The following QTMAN variants were observed in gnomAD, a reference collection of about 807,000 sequenced individuals.
The protein encoded by QTMAN is queuosine-tRNA mannosyltransferase.
At chr2:143,951,986 T>C in the QTMAN span, 4 of 1,501,742 alleles carry the variant, frequency 2.7e-6, no homozygotes, top group Non-Finnish European at 3.7e-6. Context: ...AACTACCTTA[T>C]AGAGATGTTT....
chr2:144,007,996 C>T, the QTMAN span, among the ~76,000 whole-genome samples: 1 of 152,090 alleles, frequency 6.6e-6, no homozygotes, highest in Admixed American at 6.6e-5. Context: ...TCTGAATATA[C>T]TTTGTATTAA....
At chr2:144,059,028 T>C in the QTMAN span, among the ~76,000 whole-genome samples, 1 of 152,234 alleles carries the variant, frequency 6.6e-6, no homozygotes, top group Admixed American at 6.5e-5. Context: ...TCTGCTCAAA[T>C]GTCTTTGCTG....
chr2:144,209,851 A>C, the QTMAN span, among the ~76,000 whole-genome samples: 394 of 152,282 alleles, frequency 2.6e-3, 1 homozygote, highest in African/African-American at 8.6e-3. Flanking sequence ...CACTCATTAA[A>C]TAGCATAATG....
chr2:143,984,856 G>C, the QTMAN span, among the ~76,000 whole-genome samples: 1 of 152,264 alleles, frequency 6.6e-6, no homozygotes, highest in East Asian at 1.9e-4. Flanking sequence ...CCTTCCCACT[G>C]AGAGCCACTT....
the QTMAN span, among the ~76,000 whole-genome samples, chr2:144,332,076 G>A: frequency 6.6e-6 from 1 of 152,344 alleles, no homozygotes; most frequent in African/African-American, 2.4e-5. Flanking sequence ...GCGCGAGGAA[G>A]AAGCGGAGCG....
At chr2:144,158,418 T>G in the QTMAN span, among the ~76,000 whole-genome samples, 2 of 151,952 alleles carry the variant, frequency 1.3e-5, no homozygotes, top group African/African-American at 4.8e-5. Flanking sequence ...GTAGTGGATA[T>G]GCTACCTGCT....
chr2:144,121,734 C>T, the QTMAN span, among the ~76,000 whole-genome samples: 11 of 152,164 alleles, frequency 7.2e-5, no homozygotes, highest in South Asian at 2.1e-4. Context: ...GAAATATTTG[C>T]GGGGCTGTGC....
At chr2:144,225,548 C>A in the QTMAN span, among the ~76,000 whole-genome samples, 1 of 152,206 alleles carries the variant, frequency 6.6e-6, no homozygotes. Flanking sequence ...CACAGACACA[C>A]TATTACTCGA....
chr2:144,014,960 T>A, the QTMAN span, among the ~76,000 whole-genome samples: 1 of 152,338 alleles, frequency 6.6e-6, no homozygotes, highest in Admixed American at 6.5e-5. Flanking sequence ...TTAACTTAAA[T>A]AATTATGCCT....
the QTMAN span, among the ~76,000 whole-genome samples, chr2:144,020,005 GT>G: frequency 0.13 from 19,564 of 152,220 alleles, 2,045 homozygotes; most frequent in African/African-American, 0.27. Flanking sequence ...ATCCGTCGCA[GT>G]TCTTGCTCTC....
At chr2:144,222,493 T>C in the QTMAN span, among the ~76,000 whole-genome samples, 35 of 152,178 alleles carry the variant, frequency 2.3e-4, no homozygotes, top group Admixed American at 2.2e-3. Context: ...GCACACTTAA[T>C]TTCTGAAGTG....
At chr2:144,184,924 C>T in the QTMAN span, among the ~76,000 whole-genome samples, 16 of 151,930 alleles carry the variant, frequency 1.1e-4, no homozygotes, top group Non-Finnish European at 2.2e-4. Context: ...AAAACCTAAC[C>T]GTAAATAGCT....
the QTMAN span, among the ~76,000 whole-genome samples, chr2:144,044,261 T>C: frequency 6.6e-6 from 1 of 152,288 alleles, no homozygotes; most frequent in African/African-American, 2.4e-5. Context: ...CATATATATA[T>C]ACACATAAGA....
the QTMAN span, among the ~76,000 whole-genome samples, chr2:143,977,095 T>C: frequency 6.6e-6 from 1 of 152,208 alleles, no homozygotes; most frequent in Non-Finnish European, 1.5e-5. Context: ...ATTCTCTCCA[T>C]CTTTTGTATT....
the QTMAN span, among the ~76,000 whole-genome samples, chr2:143,997,605 C>A: frequency 2.6e-5 from 4 of 151,992 alleles, no homozygotes; most frequent in African/African-American, 7.2e-5. Context: ...CATGATGATT[C>A]CCTTCTTAAT....
At chr2:144,241,208 C>T in the QTMAN span, among the ~76,000 whole-genome samples, 3 of 152,174 alleles carry the variant, frequency 2.0e-5, no homozygotes, top group Admixed American at 6.5e-5. Flanking sequence ...CCTAGTGAAC[C>T]AGAAACTCTG....
chr2:144,026,190 T>C, the QTMAN span, among the ~76,000 whole-genome samples: 3 of 152,060 alleles, frequency 2.0e-5, no homozygotes, highest in Non-Finnish European at 4.4e-5. Flanking sequence ...TCCCAGCACT[T>C]TGGGAGGCCG....
the QTMAN span, among the ~76,000 whole-genome samples, chr2:144,077,214 C>T: frequency 6.6e-6 from 1 of 152,228 alleles, no homozygotes; most frequent in Admixed American, 6.5e-5. Context: ...TACACAATGA[C>T]TCCCAAGGCA....
the QTMAN span, among the ~76,000 whole-genome samples, chr2:144,301,405 T>C: frequency 6.6e-6 from 1 of 152,134 alleles, no homozygotes; most frequent in African/African-American, 2.4e-5. Context: ...GTACTTTTAG[T>C]AGAGACAGAG....
Sources: gnomAD v4.1 joint callset for allele counts (sites outside exome capture counted in the v4.1 genomes callset) on GRCh38, gnomAD v4.1.1 for gene constraint, MANE v1.5 for transcripts, NCBI Gene and HGNC (gene_info 2026-07-23, HGNC 2026-07-21) for gene names.